The following DOK6 variants were observed in gnomAD, a reference collection of about 807,000 sequenced individuals.
DOK6 encodes downstream of tyrosine kinase 6.
A neutral mutation model predicts 44.0 loss-of-function variants in DOK6; 22 were observed. That is an observed-to-expected ratio of 0.50 (90% confidence interval 0.36 to 0.71). The LOEUF (loss-of-function observed/expected upper bound fraction) is 0.71. DOK6 is among the 30% of genes least tolerant of loss of function. The pLI is 0.00. For missense variants in DOK6, 340 were observed against 416.4 expected, an observed-to-expected ratio of 0.82 and a Z score of 1.60; for synonymous variants, 166 against 145.5, an observed-to-expected ratio of 1.14 and a Z score of -1.01.
chr18:69,566,886 A>G (rs192800915), intron 2 of DOK6, among the ~76,000 whole-genome samples: 1 of 152,264 alleles, frequency 6.6e-6, no homozygotes, highest in African/African-American at 2.4e-5. Flanking sequence ...TCTAGGAGGC[A>G]TGTGGAGCAG....
At chr18:69,499,086 T>TA (rs1222311731) in intron 1 of DOK6, among the ~76,000 whole-genome samples, 21 of 152,126 alleles carry the variant, frequency 1.4e-4, no homozygotes, top group African/African-American at 5.1e-4. Flanking sequence ...TTCGCAATGG[T>TA]ATATGCTGTG....
At chr18:69,814,161 C>T (rs764639583) in intron 7 of DOK6, among the ~76,000 whole-genome samples, 1 of 151,778 alleles carries the variant, frequency 6.6e-6, no homozygotes, top group African/African-American at 2.4e-5. Flanking sequence ...GAGTGTGTGA[C>T]CTTGAGAAAA....
At chr18:69,836,330 A>C (rs1210633385) in intron 7 of DOK6, among the ~76,000 whole-genome samples, 1 of 152,208 alleles carries the variant, frequency 6.6e-6, no homozygotes, top group African/African-American at 2.4e-5. Context: ...AGAATAAAGC[A>C]AATGTTTTAA....
At chr18:69,650,740 G>T (rs1985202867) in intron 3 of DOK6, among the ~76,000 whole-genome samples, 2 of 152,104 alleles carry the variant, frequency 1.3e-5, no homozygotes, top group Admixed American at 1.3e-4. Flanking sequence ...CAAACTCTGT[G>T]ATCTCATGTT....
chr18:69,413,368 C>T (rs17080909), intron 1 of DOK6, among the ~76,000 whole-genome samples: 8,555 of 152,118 alleles, frequency 0.056, 275 homozygotes, highest in Middle Eastern at 0.12. Context: ...TAGTGATTTA[C>T]TCTGTTCAAA....
intron 5 of DOK6, among the ~76,000 whole-genome samples, chr18:69,720,906 T>G (rs1195970520): frequency 6.6e-6 from 1 of 152,148 alleles, no homozygotes; most frequent in Non-Finnish European, 1.5e-5. Flanking sequence ...GAAGACTAAA[T>G]ACAACCAGAA....
At chr18:69,405,573 C>A (rs1916190140) in intron 1 of DOK6, among the ~76,000 whole-genome samples, 1 of 149,664 alleles carries the variant, frequency 6.7e-6, no homozygotes, top group Admixed American at 6.7e-5. Context: ...AAGCGAAACT[C>A]TGTCTCAAAA....
intron 3 of DOK6, among the ~76,000 whole-genome samples, chr18:69,655,457 G>C (rs1643407770): frequency 6.6e-6 from 1 of 152,000 alleles, no homozygotes; most frequent in South Asian, 2.1e-4. Context: ...AAATCATCAA[G>C]AATGCAGCAC....
chr18:69,600,976 T>C (rs952776837), intron 3 of DOK6, among the ~76,000 whole-genome samples: 1 of 152,230 alleles, frequency 6.6e-6, no homozygotes, highest in Non-Finnish European at 1.5e-5. Flanking sequence ...TAATGCAATT[T>C]TATGTATTTA....
chr18:69,531,532 A>C (rs1435961854), intron 1 of DOK6, among the ~76,000 whole-genome samples: 3 of 151,776 alleles, frequency 2.0e-5, no homozygotes, highest in African/African-American at 7.3e-5. Context: ...GAATTCCTTA[A>C]ATGAAGGACG....
chr18:69,617,534 A>ATTC (rs1984324080), intron 3 of DOK6, among the ~76,000 whole-genome samples: 1 of 147,334 alleles, frequency 6.8e-6, no homozygotes, highest in African/African-American at 2.5e-5. Flanking sequence ...AAAGGAAAGA[A>ATTC]AGAAAAGAAA....
chr18:69,788,230 T>C (rs985367973), intron 7 of DOK6, among the ~76,000 whole-genome samples: 1 of 152,150 alleles, frequency 6.6e-6, no homozygotes, highest in Non-Finnish European at 1.5e-5. Context: ...AAAGTTCTCC[T>C]CACAAAGCAG....
chr18:69,822,104 C>T (rs1190294588), intron 7 of DOK6, among the ~76,000 whole-genome samples: 2 of 152,122 alleles, frequency 1.3e-5, no homozygotes, highest in African/African-American at 4.8e-5. Flanking sequence ...TAAATTATCT[C>T]ATTAAGACTT....
chr18:69,512,205 A>T (rs1885301787), intron 1 of DOK6, among the ~76,000 whole-genome samples: 1 of 151,212 alleles, frequency 6.6e-6, no homozygotes, highest in Admixed American at 6.6e-5. Flanking sequence ...CTTCTCTTAC[A>T]AAAAAAGGGC....
At chr18:69,812,455 C>T (rs919721233) in intron 7 of DOK6, among the ~76,000 whole-genome samples, 15 of 152,066 alleles carry the variant, frequency 9.9e-5, no homozygotes, top group African/African-American at 2.9e-4. Flanking sequence ...TCTCCTAGAT[C>T]GGACAGTTGT....
chr18:69,583,552 C>A (rs1983416601), intron 2 of DOK6, among the ~76,000 whole-genome samples: 1 of 152,114 alleles, frequency 6.6e-6, no homozygotes, highest in South Asian at 2.1e-4. Flanking sequence ...ATTTGATATG[C>A]TCAAATTTTT....
At chr18:69,512,643 C>T (rs894864055) in intron 1 of DOK6, among the ~76,000 whole-genome samples, 2 of 152,096 alleles carry the variant, frequency 1.3e-5, no homozygotes, top group Non-Finnish European at 2.9e-5. Context: ...CGCGCCTGGC[C>T]AGGCTTTGCT....
chr18:69,538,245 C>G (rs926364313), intron 1 of DOK6, among the ~76,000 whole-genome samples: 15 of 152,068 alleles, frequency 9.9e-5, no homozygotes, highest in African/African-American at 3.4e-4. Flanking sequence ...AGAGCAAGCC[C>G]TGTAGTATTT....
At chr18:69,557,689 C>T (rs1291736375) in intron 1 of DOK6, among the ~76,000 whole-genome samples, 5 of 151,950 alleles carry the variant, frequency 3.3e-5, no homozygotes, top group East Asian at 1.9e-4. Context: ...CACCTAGGAG[C>T]CTGTTTGATG....
Sources: gnomAD v4.1 joint callset for allele counts (sites outside exome capture counted in the v4.1 genomes callset) on GRCh38, gnomAD v4.1.1 for gene constraint, MANE v1.5 for transcripts, NCBI Gene and HGNC (gene_info 2026-07-23, HGNC 2026-07-21) for gene names.